The following TAFAZZIN variants were observed in gnomAD, a reference collection of about 807,000 sequenced individuals.
TAFAZZIN encodes the protein protein G4.5.
In TAFAZZIN, 6 loss-of-function variants were observed where a neutral mutation model predicts 27.3. That is an observed-to-expected ratio of 0.22 (90% confidence interval 0.12 to 0.43). The LOEUF (loss-of-function observed/expected upper bound fraction) is 0.43, where lower values mean the gene tolerates loss of function less well. TAFAZZIN is among the 20% of genes least tolerant of loss of function. TAFAZZIN has a pLI of 1.00. For missense variants in TAFAZZIN, 127 were observed against 244.5 expected, an observed-to-expected ratio of 0.52 and a Z score of 3.21; for synonymous variants, 79 against 96.2, an observed-to-expected ratio of 0.82 and a Z score of 1.04.
rs1330473123 is a variant in TAFAZZIN, at chrX:154,419,734, C to T, written c.571C>T (p.Arg191Cys). 1.7e-6 allele frequency: 2 copies of T among 1,211,255 alleles called. No homozygotes were observed. The highest frequency in any genetic ancestry group is 1.1e-6 in the Non-Finnish European group (1 of 895,417). ...AGTGAACATGAGTTCCGAATTCCTGCGTTTCAAGTGGGGTAAGGGCTGCTG... is the reference window on the plus strand; with the variant it reads ...AGTGAACATGAGTTCCGAATTCCTGTGTTTCAAGTGGGGTAAGGGCTGCTG... ...GKVNMSSEFL[R>C]FKWGIGRLIA... Residue 191 changes from arginine to cysteine, a missense_variant, in exon 7 of 11, where the codon CGT (arginine) becomes TGT (cysteine). Arg to Cys is a radical substitution (Grantham distance 180). Transcript: ENST00000601016.
Position 154,411,653 on chromosome X carries a change from G to T in TAFAZZIN, c.-191G>T. The T allele has an allele frequency of 2.1e-6, 1 of 486,913 alleles. No individual in the cohort carries two copies. Among genetic ancestry groups the T allele is most frequent in the Non-Finnish European group, 3.7e-6 (1 of 273,963 alleles). 40.1% of individuals were successfully genotyped at this position (486,913 alleles called of 1,213,427 possible). On this transcript the variant is annotated 5_prime_UTR_variant, in exon 1 of 11. Transcript: ENST00000601016. ...GCGACCGCTCCCCAGTGACGAGAGA[G>T]CGGGGCCGGGCGCTGCTCCGGCCTG...
At chrX:154,414,861 T>C (rs948697325) in intron 5 of TAFAZZIN, among the ~76,000 whole-genome samples, 3 of 109,026 alleles carry the variant, frequency 2.8e-5, no homozygotes, top group Non-Finnish European at 5.7e-5. Context: ...TGGTGGTGTG[T>C]GCCTGTAATC....
chrX:154,420,370 C>A, intron 9 of TAFAZZIN, 106 bp downstream of exon 9: 1 of 980,314 alleles, frequency 1.0e-6, no homozygotes, highest in Non-Finnish European at 1.5e-6. Flanking sequence ...GAGCATGAGG[C>A]TACAGCAGGG....
Position 154,419,605 on chromosome X carries a change from G to A in TAFAZZIN, c.523G>A (p.Val175Met), listed in dbSNP as rs1557193851. The A allele has an allele frequency of 1.7e-6, 2 of 1,210,694 alleles. No individual in the cohort carries two copies. The highest frequency in any genetic ancestry group is 2.2e-5 in the Admixed American group (1 of 45,936). The change falls in exon 6 of 11, where the codon GTG becomes ATG. Residue 175 changes from valine (V) to methionine (M), a missense_variant. Physicochemically the swap from Val to Met is conservative, Grantham distance 21 (BLOSUM62 1). This residue lies in a region of TAFAZZIN where 79 missense variants were observed against 188.7 expected (regional missense o/e 0.42). Coordinates refer to ENST00000601016, the MANE Select transcript of TAFAZZIN (RefSeq NM_000116.5). ...ILEKLNHGDW[V>M]HIFPEGKVNM... is the part of the protein sequence containing the mutation. The stretch of plus-strand genomic sequence containing the variant: ...GGAGAAGCTCAACCATGGGGACTGG[G>A]TGCATATCTTCCCAGAAGGTCAGCA...
At position 154,411,729 on chromosome X, in the gene TAFAZZIN, G is replaced by A; in HGVS notation, c.-115G>A. On this transcript the variant is annotated 5_prime_UTR_variant, in exon 1 of 11. Coordinates refer to ENST00000601016, the MANE Select transcript of TAFAZZIN (RefSeq NM_000116.5). ...CCCCTGTTGCGCCGCGCCCCCGTCCGTCCGTGCGCGGGCCAGTCAGGGGCC... is the reference window on the plus strand; with the variant it reads ...CCCCTGTTGCGCCGCGCCCCCGTCCATCCGTGCGCGGGCCAGTCAGGGGCC... 1 of 736,102 alleles carries A rather than the reference G, an allele frequency of 1.4e-6. No homozygotes were observed. The highest frequency in any genetic ancestry group is 2.0e-6 in the Non-Finnish European group (1 of 494,383). 60.7% of individuals were successfully genotyped at this position (736,102 alleles called of 1,213,427 possible). A position where few individuals can be genotyped will look rare whatever the true frequency, so the allele number is the denominator to read the frequency against.
At chrX:154,416,758 CT>C (rs1446318351) in intron 5 of TAFAZZIN, among the ~76,000 whole-genome samples, 1 of 111,223 alleles carries the variant, frequency 9.0e-6, no homozygotes, top group Non-Finnish European at 1.9e-5. Flanking sequence ...TCCTGTTTTG[CT>C]TGTGCTGCAT....
In TAFAZZIN at chrX:154,419,534, T is replaced by G; in HGVS notation, c.461-9T>G. The stretch of plus-strand genomic sequence containing the variant: ...TGGTTACTGATAGGGAGAGGCCTTT[T>G]CCTTGCAGGAGATGGCGTCTACCAG... On this transcript the variant is annotated splice_polypyrimidine_tract_variant and intron_variant, in intron 5 of 10. Coordinates refer to ENST00000601016, the MANE Select transcript of TAFAZZIN (RefSeq NM_000116.5). 8.3e-7 allele frequency: 1 copy of G among 1,210,692 alleles called. No homozygotes were observed. Among genetic ancestry groups the G allele is most frequent in the Non-Finnish European group, 1.1e-6 (1 of 895,003 alleles).
intron 5 of TAFAZZIN, among the ~76,000 whole-genome samples, chrX:154,416,274 G>C (rs1466665644): frequency 2.7e-5 from 3 of 111,468 alleles, no homozygotes; most frequent in Non-Finnish European, 5.7e-5. Flanking sequence ...GCAGGTGCCT[G>C]TAGTCCCAGC....
At position 154,414,729 on chromosome X, in the gene TAFAZZIN, G is replaced by A. The variant is rs1220340546; in HGVS notation, c.460+539G>A. 2.8e-5 allele frequency among the ~76,000 whole-genome samples: 3 copies of A among 106,849 alleles called. No individual in the cohort carries two copies. In the East Asian group the frequency reaches 8.8e-4, roughly 31 times the overall value. 92.8% of individuals were successfully genotyped at this position (106,849 alleles called of 115,157 possible). On this transcript the variant is annotated intron_variant, in intron 5 of 10. Coordinates refer to ENST00000601016, the MANE Select transcript of TAFAZZIN (RefSeq NM_000116.5). ...AAAAGTGCCGGCCACGGTGGCTCAT[G>A]CCTGTAATCCCAGCACTCTGGGAGG...
At chrX:154,412,969 G>A (rs2068360587) in intron 2 of TAFAZZIN, 2 of 455,892 alleles carry the variant, frequency 4.4e-6, no homozygotes, top group Admixed American at 6.7e-5. Context: ...AATGGGCATT[G>A]TCCAAGTATG....
intron 5 of TAFAZZIN, among the ~76,000 whole-genome samples, chrX:154,416,723 G>C (rs1380588784): frequency 1.8e-5 from 2 of 111,752 alleles, no homozygotes; most frequent in East Asian, 5.6e-4. Flanking sequence ...AAAGCAGTGC[G>C]GGGGCTGGGA....
intron 3 of TAFAZZIN, 32 bp downstream of exon 3, chrX:154,413,284 G>A (rs376540475): frequency 1.3e-5 from 16 of 1,207,629 alleles, no homozygotes; most frequent in South Asian, 1.8e-5. Flanking sequence ...GAAGTGGGCC[G>A]GGCCGGCCCC....
chrX:154,412,039 G>T, intron 1 of TAFAZZIN, 47 bp from the exon 2 acceptor site: 2 of 1,207,843 alleles, frequency 1.7e-6, no homozygotes, highest in Non-Finnish European at 2.2e-6. Context: ...CCGCGGCCCC[G>T]ACCTAGCGGG....
chrX:154,414,707 A>AAT lies in TAFAZZIN; in HGVS notation c.460+517_460+518insAT, dbSNP rs1365705497. On this transcript the variant is annotated intron_variant, in intron 5 of 10. Transcript: ENST00000601016. Reference sequence around the variant, plus strand: ...ACTCCGTCTCAAAAAAAAAAAAAAAAGTGCCGGCCACGGTGGCTCATGCCT... The same window carrying AAT: ...ACTCCGTCTCAAAAAAAAAAAAAAAAATGTGCCGGCCACGGTGGCTCATGCCT... Among the ~76,000 whole-genome samples the AAT allele has an allele frequency of 4.8e-4, 45 of 94,646 alleles. No homozygotes were observed. In the East Asian group the frequency reaches 0.015, roughly 32 times the overall value. 82.2% of individuals were successfully genotyped at this position (94,646 alleles called of 115,157 possible). A position where few individuals can be genotyped will look rare whatever the true frequency, so the allele number is the denominator to read the frequency against.
chrX:154,416,704 T>C (rs2068499318), intron 5 of TAFAZZIN, among the ~76,000 whole-genome samples: 1 of 110,595 alleles, frequency 9.0e-6, no homozygotes, highest in South Asian at 3.7e-4. Context: ...GGGAGAAGGG[T>C]GCAAAGGGAA....
chrX:154,412,080 C>T lies in TAFAZZIN; in HGVS notation c.110-6C>T, dbSNP rs782099193. The stretch of plus-strand genomic sequence containing the variant: ...CCGGAGCGCCTGACTTCTCCTTCCC[C>T]GCCAGAGTACATGAACCACCTGACC... On this transcript the variant is annotated splice_polypyrimidine_tract_variant and splice_region_variant and intron_variant, in intron 1 of 10. Transcript: ENST00000601016. The T allele has an allele frequency of 2.0e-5, 24 of 1,210,443 alleles. No individual in the cohort carries two copies. Among genetic ancestry groups the T allele is most frequent in the Non-Finnish European group, 2.7e-5 (24 of 894,949 alleles).
intron 5 of TAFAZZIN, among the ~76,000 whole-genome samples, chrX:154,417,429 G>A (rs782376828): frequency 4.4e-5 from 5 of 112,560 alleles, no homozygotes; most frequent in African/African-American, 1.3e-4. Context: ...CTGCAGTTGG[G>A]GGGGAATGGA....
Position 154,412,089 on chromosome X carries a change from A to G in TAFAZZIN, c.113A>G (p.Tyr38Cys). 2 of 1,210,432 alleles carry G rather than the reference A, an allele frequency of 1.7e-6. No homozygotes were observed. The highest frequency in any genetic ancestry group is 2.2e-6 in the Non-Finnish European group (2 of 894,953). The part of the protein sequence containing the change: ...VGTYSCFWTK[Y>C]MNHLTVHNRE... Reference sequence around the variant, plus strand: ...CTGACTTCTCCTTCCCCGCCAGAGTACATGAACCACCTGACCGTGCACAAC... The same window carrying G: ...CTGACTTCTCCTTCCCCGCCAGAGTGCATGAACCACCTGACCGTGCACAAC... The change falls in exon 2 of 11, where the codon TAC becomes TGC. Residue 38 changes from tyrosine (Y) to cysteine (C), a missense_variant. Around this residue, in one of 3 missense-constraint regions of TAFAZZIN, gnomAD observed 79 missense variants for 188.7 expected, o/e 0.42. Coordinates refer to ENST00000601016, the MANE Select transcript of TAFAZZIN (RefSeq NM_000116.5).
rs926124671 is a variant in TAFAZZIN at position 154,420,726 on chromosome X, C to G, written c.768C>G (p.Asn256Lys). ...LPVLERLRAE[N>K]KSAVEMRKAL... is the part of the protein sequence containing the mutation. ...TACTCGAGCGGCTCCGGGCGGAGAA[C>G]AAGTCGGCTGTGAGTTTCCTCCTGG... Residue 256 changes from asparagine (N) to lysine (K), a missense_variant, in exon 10 of 11, where the codon AAC becomes AAG. Physicochemically the swap from Asn to Lys is moderately conservative, Grantham distance 94. Around this residue, in one of 3 missense-constraint regions of TAFAZZIN, gnomAD observed 31 missense variants for 39.6 expected, o/e 0.78. Coordinates refer to ENST00000601016, the MANE Select transcript of TAFAZZIN (RefSeq NM_000116.5). 1.7e-6 allele frequency: 2 copies of G among 1,209,200 alleles called. No homozygotes were observed. The highest frequency in any genetic ancestry group is 3.5e-5 in the African/African-American group (2 of 56,910).
Sources: allele counts gnomAD v4.1 joint callset (sites outside exome capture counted in the v4.1 genomes callset), GRCh38; gene constraint gnomAD v4.1.1; regional missense constraint gnomAD v4.1.1; transcripts MANE v1.5; gene names NCBI Gene and HGNC (gene_info 2026-07-23, HGNC 2026-07-21).